Variants in CDH12 observed in about 807,000 individuals in gnomAD.
The protein encoded by CDH12 is cadherin-12.
A neutral mutation model predicts 74.1 loss-of-function variants in CDH12; 41 were observed. The observed-to-expected ratio is 0.55, with a 90% CI of 0.43 to 0.72. The LOEUF is 0.72. Among genes scored for constraint, CDH12 ranks in the 30% least tolerant of loss-of-function variants. CDH12 has a pLI of 0.00. For synonymous variants in CDH12, 399 were observed against 355.0 expected, an observed-to-expected ratio of 1.12 and a Z score of -1.39; for missense variants, 945 against 977.2, an observed-to-expected ratio of 0.97 and a Z score of 0.44.
At chr5:21,788,155 C>T (rs1746297861) in intron 10 of CDH12, among the ~76,000 whole-genome samples, 1 of 152,132 alleles carries the variant, frequency 6.6e-6, no homozygotes. Context: ...TATAAACAGA[C>T]TGTTTCAATG....
intron 5 of CDH12, among the ~76,000 whole-genome samples, chr5:22,074,712 C>T (rs1487967745): frequency 6.6e-6 from 1 of 152,092 alleles, no homozygotes. Context: ...TGAAAAAATG[C>T]TCATCATCAC....
At chr5:22,119,557 T>C (rs1745382588) in intron 4 of CDH12, among the ~76,000 whole-genome samples, 2 of 152,112 alleles carry the variant, frequency 1.3e-5, no homozygotes, top group South Asian at 2.1e-4. Context: ...TCCAAAGTGC[T>C]GGGATTACAG....
At chr5:22,290,098 A>G (rs1737316879) in intron 3 of CDH12, among the ~76,000 whole-genome samples, 1 of 152,130 alleles carries the variant, frequency 6.6e-6, no homozygotes, top group Non-Finnish European at 1.5e-5. Flanking sequence ...AGCCACGTCT[A>G]TCGTAGGGTG....
At chr5:22,232,577 G>T (rs1167595811) in intron 3 of CDH12, among the ~76,000 whole-genome samples, 1 of 151,472 alleles carries the variant, frequency 6.6e-6, no homozygotes, top group African/African-American at 2.4e-5. Context: ...CTTTAATTCT[G>T]ACTGTTCAAT....
chr5:21,811,586 CTT>C (rs1392171711), intron 9 of CDH12, among the ~76,000 whole-genome samples: 3 of 151,884 alleles, frequency 2.0e-5, no homozygotes, highest in Admixed American at 6.6e-5. Context: ...TTTTAAAACT[CTT>C]ATTCTGTCAT....
chr5:22,121,713 G>A (rs1745523745), intron 4 of CDH12, among the ~76,000 whole-genome samples: 1 of 151,584 alleles, frequency 6.6e-6, no homozygotes, highest in Non-Finnish European at 1.5e-5. Context: ...TTCATATAAA[G>A]GGCTATTAAA....
intron 1 of CDH12, among the ~76,000 whole-genome samples, chr5:22,850,971 A>G (rs867589798): frequency 2.4e-4 from 37 of 152,212 alleles, no homozygotes; most frequent in African/African-American, 7.9e-4. Context: ...TATATCCCAG[A>G]CTGTTACATG....
intron 4 of CDH12, among the ~76,000 whole-genome samples, chr5:22,130,610 C>T (rs1746127522): frequency 6.6e-6 from 1 of 151,686 alleles, no homozygotes; most frequent in Non-Finnish European, 1.5e-5. Flanking sequence ...AATCCCAGAT[C>T]CCACTGGACA....
intron 4 of CDH12, among the ~76,000 whole-genome samples, chr5:22,174,188 T>G (rs1749204029): frequency 6.6e-6 from 1 of 151,972 alleles, no homozygotes; most frequent in African/African-American, 2.4e-5. Context: ...AAATAAAATG[T>G]CCTCAACTTC....
chr5:21,876,714 C>A (rs1751956606), intron 6 of CDH12, among the ~76,000 whole-genome samples: 1 of 86,838 alleles, frequency 1.2e-5, no homozygotes, highest in African/African-American at 2.7e-5. Flanking sequence ...ATTTGTCTTT[C>A]AAAAATGTAA....
chr5:22,313,157 A>G (rs888183546), intron 3 of CDH12, among the ~76,000 whole-genome samples: 1 of 152,162 alleles, frequency 6.6e-6, no homozygotes, highest in Non-Finnish European at 1.5e-5. Flanking sequence ...GTGGTTGTAT[A>G]TCACTGCCCT....
At chr5:21,785,192 C>T (rs1001224531) in intron 10 of CDH12, among the ~76,000 whole-genome samples, 5 of 152,114 alleles carry the variant, frequency 3.3e-5, no homozygotes, top group Non-Finnish European at 7.3e-5. Flanking sequence ...GAACTGCACC[C>T]ATATAAAATT....
intron 2 of CDH12, among the ~76,000 whole-genome samples, chr5:22,489,582 T>C (rs1746775932): frequency 6.6e-6 from 1 of 152,092 alleles, no homozygotes; most frequent in East Asian, 1.9e-4. Flanking sequence ...TAAGTTTTAA[T>C]TGGATATTAT....
At chr5:22,062,265 A>G (rs1287744129) in intron 5 of CDH12, among the ~76,000 whole-genome samples, 1 of 152,174 alleles carries the variant, frequency 6.6e-6, no homozygotes, top group African/African-American at 2.4e-5. Context: ...TGCAATAAAT[A>G]AATTGTAAAG....
chr5:21,827,936 T>C (rs1261874470), intron 8 of CDH12, among the ~76,000 whole-genome samples: 1 of 152,190 alleles, frequency 6.6e-6, no homozygotes, highest in Non-Finnish European at 1.5e-5. Flanking sequence ...CATTGAATAT[T>C]TAAACCTTTG....
rs1740375569 is a variant in CDH12 at position 22,662,056 on chromosome 5, CAA to C, written c.-522-156694_-522-156693del. Reference sequence around the variant, plus strand: ...AAAAACTTGAAAAGCACCACAGAATCAAGTGTGCACTGAACTCTAAGTAGCAA... The same window carrying C: ...AAAAACTTGAAAAGCACCACAGAATCGTGTGCACTGAACTCTAAGTAGCAA... On this transcript the variant is annotated intron_variant, in intron 1 of 14. Coordinates refer to ENST00000382254, the MANE Select transcript of CDH12 (RefSeq NM_004061.5). Among the ~76,000 whole-genome samples the C allele has an allele frequency of 2.0e-5, 3 of 152,248 alleles. No homozygotes were observed. In the South Asian group the frequency reaches 6.2e-4, roughly 32 times the overall value.
At chr5:22,255,642 A>G (rs1753284297) in intron 3 of CDH12, among the ~76,000 whole-genome samples, 1 of 151,790 alleles carries the variant, frequency 6.6e-6, no homozygotes, top group African/African-American at 2.4e-5. Context: ...AACATTTTTA[A>G]AAGTTAAATT....
chr5:21,869,088 T>C (rs12513740), intron 6 of CDH12, among the ~76,000 whole-genome samples: 8,053 of 152,172 alleles, frequency 0.053, 308 homozygotes, highest in Admixed American at 0.11. Context: ...ACCAGGATAC[T>C]TTGGGCTCCT....
chr5:22,535,360 G>T (rs577974844), intron 1 of CDH12, among the ~76,000 whole-genome samples: 5 of 151,948 alleles, frequency 3.3e-5, no homozygotes, highest in African/African-American at 1.2e-4. Flanking sequence ...GTTTCACCGT[G>T]TTAGCCAGGA....
Sources: gnomAD v4.1 joint callset for allele counts (sites outside exome capture counted in the v4.1 genomes callset) on GRCh38, gnomAD v4.1.1 for gene constraint, MANE v1.5 for transcripts, NCBI Gene and HGNC (gene_info 2026-07-23, HGNC 2026-07-21) for gene names.